The following IGFL2 variants were observed in gnomAD, a reference collection of about 807,000 sequenced individuals.
The protein encoded by IGFL2 is IGF like family member 2, also known as insulin growth factor-like family member 2.
IGFL2 carries 7 observed loss-of-function variants against 13.9 expected under a neutral mutation model. That is an observed-to-expected ratio of 0.51 (90% CI 0.29 to 0.95). The LOEUF (loss-of-function observed/expected upper bound fraction) is 0.95. Among genes scored for constraint, IGFL2 ranks in the 40% least tolerant of loss-of-function variants. The probability of loss-of-function intolerance (pLI) is 0.08; values close to 1 mark genes in which losing one functional copy is unlikely to be tolerated. For missense variants in IGFL2, 138 were observed against 147.8 expected, an observed-to-expected ratio of 0.93 and a Z score of 0.34; for synonymous variants, 55 against 55.8, an observed-to-expected ratio of 0.99 and a Z score of 0.07.
chr19:46,197,143 C>T, the IGFL2 span: 3 of 227,490 alleles, frequency 1.3e-5, no homozygotes, highest in Admixed American at 1.3e-4. Context: ...CGGATGGGAC[C>T]CAGAGGGGTG....
chr19:46,116,675 C>G, the IGFL2 span, among the ~76,000 whole-genome samples: 1 of 152,130 alleles, frequency 6.6e-6, no homozygotes, highest in Admixed American at 6.5e-5. Context: ...CTGAAGCGGG[C>G]CAATTAGTAT....
chr19:46,114,276 C>G, the IGFL2 span, among the ~76,000 whole-genome samples: 1 of 152,180 alleles, frequency 6.6e-6, no homozygotes, highest in African/African-American at 2.4e-5. Context: ...CTCAGCTTCC[C>G]CATGCCAACA....
At chr19:46,134,664 A>G in the IGFL2 span, among the ~76,000 whole-genome samples, 1 of 152,206 alleles carries the variant, frequency 6.6e-6, no homozygotes, top group Non-Finnish European at 1.5e-5. Flanking sequence ...AATAGGGTTC[A>G]TGCTCTTATG....
At chr19:46,202,205 T>A in the IGFL2 span, among the ~76,000 whole-genome samples, 3 of 152,120 alleles carry the variant, frequency 2.0e-5, no homozygotes, top group Admixed American at 6.6e-5. Flanking sequence ...GGAACTGATG[T>A]GTAAAAGGAT....
the IGFL2 span, among the ~76,000 whole-genome samples, chr19:46,095,341 C>T: frequency 3.1e-4 from 47 of 152,066 alleles, no homozygotes; most frequent in Non-Finnish European, 6.0e-4. Flanking sequence ...TGAGAAGTGT[C>T]TGTTTATATC....
downstream of IGFL2, among the ~76,000 whole-genome samples, chr19:46,165,412 C>T (rs1974351909): frequency 6.6e-6 from 1 of 152,202 alleles, no homozygotes; most frequent in African/African-American, 2.4e-5. Context: ...AGCCAGCACC[C>T]CATAGCAGGT....
At chr19:46,130,028 C>CT in the IGFL2 span, among the ~76,000 whole-genome samples, 1 of 152,106 alleles carries the variant, frequency 6.6e-6, no homozygotes, top group Non-Finnish European at 1.5e-5. Flanking sequence ...AGCTTGCTCT[C>CT]TGAATCTGGG....
the IGFL2 span, among the ~76,000 whole-genome samples, chr19:46,174,678 G>C: frequency 6.6e-6 from 1 of 152,324 alleles, no homozygotes; most frequent in Admixed American, 6.5e-5. Context: ...GATATCCTCT[G>C]ACATTTATGC....
the IGFL2 span, chr19:46,111,654 G>A: frequency 6.6e-6 from 1 of 152,164 alleles, no homozygotes. Flanking sequence ...TGGTGTCCAC[G>A]TATATGATAC....
chr19:46,186,140 A>G, the IGFL2 span, among the ~76,000 whole-genome samples: 20 of 152,024 alleles, frequency 1.3e-4, no homozygotes, highest in African/African-American at 3.9e-4. Flanking sequence ...GCTCGCCCCA[A>G]ATTTCCCCAA....
the IGFL2 span, among the ~76,000 whole-genome samples, chr19:46,206,220 G>A: frequency 6.6e-6 from 1 of 152,110 alleles, no homozygotes. Flanking sequence ...ATCACCCACT[G>A]CTGTTTTCTC....
At chr19:46,178,665 C>T in the IGFL2 span, among the ~76,000 whole-genome samples, 2 of 152,192 alleles carry the variant, frequency 1.3e-5, no homozygotes. Context: ...TATCTGAACG[C>T]AAGCATTACT....
the IGFL2 span, among the ~76,000 whole-genome samples, chr19:46,103,506 A>G: frequency 6.6e-6 from 1 of 152,164 alleles, no homozygotes; most frequent in Admixed American, 6.5e-5. Context: ...CCTGTGAGCA[A>G]AGATCATCTA....
the IGFL2 span, chr19:46,136,803 A>G: frequency 2.1e-5 from 14 of 677,464 alleles, no homozygotes; most frequent in African/African-American, 2.3e-4. Flanking sequence ...TGCAACATTC[A>G]CTAGAAGCTG....
At chr19:46,163,380 C>T (rs1974250331), downstream of IGFL2, among the ~76,000 whole-genome samples, 2 of 152,110 alleles carry the variant, frequency 1.3e-5, no homozygotes, top group Non-Finnish European at 2.9e-5. Context: ...GGCTCCATTC[C>T]AGAGAGATGA....
the IGFL2 span, among the ~76,000 whole-genome samples, chr19:46,175,167 G>C: frequency 1.3e-5 from 2 of 151,904 alleles, no homozygotes; most frequent in African/African-American, 4.8e-5. Context: ...AACACTTATC[G>C]AGCACATAAT....
the IGFL2 span, among the ~76,000 whole-genome samples, chr19:46,186,374 A>C: frequency 2.0e-5 from 3 of 152,094 alleles, no homozygotes; most frequent in African/African-American, 7.2e-5. Flanking sequence ...TTTGGATGGG[A>C]TATTACCCAG....
At chr19:46,098,478 C>CTTTTTTTTTTT in the IGFL2 span, among the ~76,000 whole-genome samples, 1 of 128,392 alleles carries the variant, frequency 7.8e-6, no homozygotes. Context: ...CAATCTGTGT[C>CTTTTTTTTTTT]TTTTTTTTTT....
chr19:46,178,905 G>A, the IGFL2 span, among the ~76,000 whole-genome samples: 2 of 152,168 alleles, frequency 1.3e-5, no homozygotes, highest in Non-Finnish European at 2.9e-5. Context: ...GAACTTCCTC[G>A]ACTCTGTTCC....
Sources: allele counts gnomAD v4.1 joint callset (sites outside exome capture counted in the v4.1 genomes callset), GRCh38; gene constraint gnomAD v4.1.1; transcripts MANE v1.5; gene names NCBI Gene and HGNC (gene_info 2026-07-23, HGNC 2026-07-21).